The following RASGRF2 variants were observed in gnomAD, a reference collection of about 807,000 sequenced individuals.
The protein encoded by RASGRF2 is ras-specific guanine nucleotide-releasing factor 2.
In RASGRF2, 76 loss-of-function variants were observed where a neutral mutation model predicts 151.0. That is an observed-to-expected ratio of 0.50 (90% CI 0.42 to 0.61). The LOEUF is 0.61. Ranked by LOEUF, RASGRF2 falls within the 20% of genes least tolerant of loss-of-function variation. The pLI, the probability that RASGRF2 is intolerant of heterozygous loss-of-function variation, is 0.00. For missense variants in RASGRF2, 1,148 were observed against 1,564.6 expected (o/e 0.73, Z 4.49); for synonymous variants, 504 against 566.5 (o/e 0.89, Z 1.57).
At chr5:81,223,577 C>T (rs1755907641) in intron 26 of RASGRF2, 1 of 151,940 alleles carries the variant, frequency 6.6e-6, no homozygotes, top group Non-Finnish European at 1.5e-5. Flanking sequence ...GGAGGCGGAG[C>T]TTGCAGTGAG....
At chr5:81,106,873 A>G (rs1418109202) in intron 12 of RASGRF2, among the ~76,000 whole-genome samples, 3 of 152,202 alleles carry the variant, frequency 2.0e-5, no homozygotes, top group Admixed American at 1.3e-4. Context: ...TAAGAGAAGC[A>G]GCATTTCTTC....
intron 22 of RASGRF2, among the ~76,000 whole-genome samples, chr5:81,211,887 T>C (rs549069128): frequency 6.6e-6 from 1 of 152,338 alleles, no homozygotes; most frequent in South Asian, 2.1e-4. Context: ...GTTAATCAGC[T>C]CAGAATTTGA....
intron 17 of RASGRF2, among the ~76,000 whole-genome samples, chr5:81,131,803 C>T (rs1418250895): frequency 1.3e-5 from 2 of 152,100 alleles, no homozygotes; most frequent in African/African-American, 4.8e-5. Context: ...CATATCCTGC[C>T]CCTCAAAACT....
chr5:81,178,605 T>C (rs73130821), intron 17 of RASGRF2, among the ~76,000 whole-genome samples: 5,764 of 152,266 alleles, frequency 0.038, 128 homozygotes, highest in African/African-American at 0.059. Flanking sequence ...TTATAGCCTG[T>C]CCCCTGGATA....
At chr5:80,989,282 AT>A (rs1250985081) in intron 1 of RASGRF2, among the ~76,000 whole-genome samples, 5 of 151,388 alleles carry the variant, frequency 3.3e-5, no homozygotes, top group East Asian at 1.9e-4. Context: ...TATAATTGGT[AT>A]TTTTTTTTAA....
chr5:81,013,215 T>C (rs983935857), intron 1 of RASGRF2, among the ~76,000 whole-genome samples: 3 of 152,240 alleles, frequency 2.0e-5, no homozygotes, highest in African/African-American at 7.2e-5. Flanking sequence ...GATCAGTTTT[T>C]CAGTCTTCCA....
At chr5:80,978,417 T>C (rs555078220) in intron 1 of RASGRF2, among the ~76,000 whole-genome samples, 23 of 152,332 alleles carry the variant, frequency 1.5e-4, no homozygotes, top group African/African-American at 5.1e-4. Context: ...ACCAGAAAAC[T>C]ATGTATTCAA....
At chr5:81,135,166 A>G (rs1229419831) in intron 17 of RASGRF2, among the ~76,000 whole-genome samples, 1 of 151,168 alleles carries the variant, frequency 6.6e-6, no homozygotes. Context: ...AAATAGCTGC[A>G]TATGGTGGCA....
At chr5:81,044,789 A>G (rs1047089055) in intron 2 of RASGRF2, among the ~76,000 whole-genome samples, 3 of 152,136 alleles carry the variant, frequency 2.0e-5, no homozygotes, top group African/African-American at 7.2e-5. Context: ...CTAATGTTCA[A>G]TATTGTACTT....
chr5:81,201,306 A>T (rs779834495), intron 18 of RASGRF2, 24 bp from the exon 19 acceptor site: 13 of 1,601,634 alleles, frequency 8.1e-6, no homozygotes, highest in Non-Finnish European at 9.4e-6. Context: ...GCTAAAATTT[A>T]AAAAGATTCA....
At chr5:81,037,968 G>T (rs1394465384) in intron 1 of RASGRF2, among the ~76,000 whole-genome samples, 1 of 152,022 alleles carries the variant, frequency 6.6e-6, no homozygotes, top group African/African-American at 2.4e-5. Flanking sequence ...TAAGCCTTAT[G>T]GAAATGATAT....
chr5:81,140,598 T>A (rs945246379), intron 17 of RASGRF2, among the ~76,000 whole-genome samples: 2 of 152,172 alleles, frequency 1.3e-5, no homozygotes, highest in African/African-American at 4.8e-5. Flanking sequence ...CCTGGAAACA[T>A]GCCACGCAGC....
At chr5:80,989,969 C>T (rs1207184064) in intron 1 of RASGRF2, among the ~76,000 whole-genome samples, 1 of 152,166 alleles carries the variant, frequency 6.6e-6, no homozygotes, top group Non-Finnish European at 1.5e-5. Flanking sequence ...TTATTGGACT[C>T]GAGAATTCCT....
chr5:81,163,970 G>A (rs1332033542), intron 17 of RASGRF2, among the ~76,000 whole-genome samples: 2 of 152,038 alleles, frequency 1.3e-5, no homozygotes, highest in African/African-American at 4.8e-5. Context: ...AACAGTTCCC[G>A]GCATATAATA....
intron 17 of RASGRF2, among the ~76,000 whole-genome samples, chr5:81,171,602 G>A (rs1035653689): frequency 6.6e-6 from 1 of 151,884 alleles, no homozygotes; most frequent in African/African-American, 2.4e-5. Context: ...CATTTCTAGA[G>A]CATTTGCTGT....
At chr5:81,038,825 C>G (rs1247111127) in intron 1 of RASGRF2, among the ~76,000 whole-genome samples, 2 of 152,080 alleles carry the variant, frequency 1.3e-5, no homozygotes, top group Non-Finnish European at 2.9e-5. Flanking sequence ...GTCCTCCTGC[C>G]TTGGCTCCTC....
At chr5:81,042,738 A>G in intron 1 of RASGRF2, 139 bp from the exon 2 acceptor site, 2 of 608,740 alleles carry the variant, frequency 3.3e-6, no homozygotes, top group Non-Finnish European at 5.8e-6. Flanking sequence ...CCAGAGTGAA[A>G]TGTTACATTT....
intron 1 of RASGRF2, among the ~76,000 whole-genome samples, chr5:81,042,403 AAT>A (rs1750704671): frequency 6.6e-6 from 1 of 152,236 alleles, no homozygotes; most frequent in Non-Finnish European, 1.5e-5. Flanking sequence ...AGAAGAGGCA[AAT>A]GGCAGCAATT....
intron 18 of RASGRF2, among the ~76,000 whole-genome samples, chr5:81,188,511 C>T (rs34232540): frequency 0.55 from 84,037 of 151,898 alleles, 23,525 homozygotes; most frequent in Middle Eastern, 0.77. Context: ...ATATGGGGCA[C>T]ATGGTCTTTT....
Sources: gnomAD v4.1 joint callset for allele counts (sites outside exome capture counted in the v4.1 genomes callset) on GRCh38, gnomAD v4.1.1 for gene constraint, MANE v1.5 for transcripts, NCBI Gene and HGNC (gene_info 2026-07-23, HGNC 2026-07-21) for gene names.